The following LYAR variants were observed in gnomAD, a reference collection of about 807,000 sequenced individuals.
LYAR encodes the protein Ly1 antibody reactive, also known as cell growth-regulating nucleolar protein.
A neutral mutation model predicts 45.2 loss-of-function variants in LYAR; 37 were observed. That is an observed-to-expected ratio of 0.82 (90% CI 0.63 to 1.08). LYAR has a LOEUF of 1.08. LYAR is among the 50% of genes least tolerant of loss of function. The probability of loss-of-function intolerance (pLI) is 0.00; values close to 1 mark genes in which losing one functional copy is unlikely to be tolerated. For synonymous variants in LYAR, 176 were observed against 155.1 expected (o/e 1.14, Z -1.00); for missense variants, 493 against 451.0 (o/e 1.09, Z -0.84).
chr4:4,271,732 C>T (rs1320400018), intron 8 of LYAR, among the ~76,000 whole-genome samples: 2 of 152,222 alleles, frequency 1.3e-5, no homozygotes, highest in Non-Finnish European at 2.9e-5. Context: ...CTGTATGACA[C>T]AGCATTGAAC....
At position 4,267,912 on chromosome 4, in the gene LYAR, C is replaced by A; in HGVS notation, c.1117G>T (p.Asp373Tyr). The A allele has an allele frequency of 1.2e-6, 2 of 1,611,488 alleles. No homozygotes were observed. Among genetic ancestry groups the A allele is most frequent in the South Asian group, 2.2e-5 (2 of 90,426 alleles). Residue 373 changes from aspartate to tyrosine, a missense_variant, in exon 10 of 10, where the codon GAC becomes TAC. Asp to Tyr is a radical substitution (Grantham distance 160). Coordinates refer to ENST00000343470, the MANE Select transcript of LYAR (RefSeq NM_017816.3). ...SKNPTFKLLK[D>Y]KVKLVK is the part of the protein sequence containing the mutation. Reference sequence around the variant, plus strand: ...GTTCATTTCACAAGCTTGACTTTGTCCTTTAATAACTTAAAGGTAGGGTTC... The same window carrying A: ...GTTCATTTCACAAGCTTGACTTTGTACTTTAATAACTTAAAGGTAGGGTTC...
At chr4:4,272,918 A>C (rs1471401823) in intron 8 of LYAR, among the ~76,000 whole-genome samples, 1 of 152,160 alleles carries the variant, frequency 6.6e-6, no homozygotes, top group Non-Finnish European at 1.5e-5. Flanking sequence ...ACCTCCCGAC[A>C]GGTATGAGTG....
chr4:4,274,098 C>G (rs1053234426), intron 7 of LYAR, among the ~76,000 whole-genome samples: 4 of 152,072 alleles, frequency 2.6e-5, no homozygotes, highest in African/African-American at 9.7e-5. Flanking sequence ...TTAGCTGGGT[C>G]TGGTGACACA....
At chr4:4,269,433 G>T (rs112675020) in intron 8 of LYAR, among the ~76,000 whole-genome samples, 1 of 152,076 alleles carries the variant, frequency 6.6e-6, no homozygotes, top group East Asian at 1.9e-4. Context: ...CTCTACCCTC[G>T]CAAGGCTGTA....
intron 9 of LYAR, 111 bp from the exon 10 acceptor site, chr4:4,268,134 A>C (rs1718787857): frequency 1.9e-6 from 2 of 1,026,090 alleles, no homozygotes; most frequent in East Asian, 5.9e-5. Flanking sequence ...GAAACCCAGG[A>C]GCAAGCGACA....
At chr4:4,274,890 A>G in intron 6 of LYAR, 121 bp from the exon 7 acceptor site, 1 of 920,750 alleles carries the variant, frequency 1.1e-6, no homozygotes, top group South Asian at 1.8e-5. Context: ...TTAATCCCTT[A>G]TCGTTTTATA....
rs549818036 is a variant in LYAR at position 4,276,173 on chromosome 4, G to A, written c.430-1404C>T. 7.4e-4 allele frequency among the ~76,000 whole-genome samples: 113 copies of A among 152,212 alleles called. 1 individual carries two copies. Among genetic ancestry groups the A allele is most frequent in the African/African-American group, 2.6e-3 (106 of 41,530 alleles). On this transcript the variant is annotated intron_variant, in intron 6 of 9. Transcript: ENST00000343470. ...CCTCTGGAGGGAAAGAGAGTGGCCA[G>A]TGGCTGCTTCCAGGTGTGAGAAACC...
intron 7 of LYAR, 47 bp downstream of exon 7, chr4:4,274,320 C>G: frequency 6.4e-7 from 1 of 1,571,608 alleles, no homozygotes; most frequent in Non-Finnish European, 8.6e-7. Flanking sequence ...AAATTCACAG[C>G]TTTCCCGGTT....
chr4:4,282,900 C>T (rs1485710240), intron 3 of LYAR, among the ~76,000 whole-genome samples: 4 of 152,144 alleles, frequency 2.6e-5, no homozygotes, highest in African/African-American at 9.7e-5. Context: ...CCACTGTGAG[C>T]TCATAAATTC....
intron 4 of LYAR, 70 bp downstream of exon 4, chr4:4,281,713 A>T: frequency 9.0e-7 from 1 of 1,105,656 alleles, no homozygotes; most frequent in Non-Finnish European, 1.4e-6. Context: ...ATTTACTCTT[A>T]GTCTCTTGGG....
intron 6 of LYAR, among the ~76,000 whole-genome samples, chr4:4,277,884 G>C (rs1719249746): frequency 6.6e-6 from 1 of 152,190 alleles, no homozygotes; most frequent in Non-Finnish European, 1.5e-5. Flanking sequence ...AGGACCCTCT[G>C]CTCTGCACTA....
intron 6 of LYAR, among the ~76,000 whole-genome samples, chr4:4,276,026 A>G (rs905656744): frequency 6.6e-6 from 1 of 152,054 alleles, no homozygotes; most frequent in African/African-American, 2.4e-5. Flanking sequence ...CAGCACATAG[A>G]GCCTACTTTA....
chr4:4,285,365 G>A (rs926535382), intron 2 of LYAR, among the ~76,000 whole-genome samples: 2 of 152,126 alleles, frequency 1.3e-5, no homozygotes, highest in Non-Finnish European at 2.9e-5. Flanking sequence ...TCAAGCTCCT[G>A]GGAGCTGGAA....
At chr4:4,280,401 G>A (rs772289209) in intron 4 of LYAR, among the ~76,000 whole-genome samples, 4 of 152,114 alleles carry the variant, frequency 2.6e-5, no homozygotes, top group African/African-American at 4.8e-5. Context: ...GTATATATAC[G>A]TTTTTACAGA....
intron 8 of LYAR, among the ~76,000 whole-genome samples, chr4:4,270,080 G>A (rs1718871797): frequency 6.6e-6 from 1 of 151,970 alleles, no homozygotes; most frequent in South Asian, 2.1e-4. Flanking sequence ...GCTGGGTGTG[G>A]TGGTGTGTAC....
intron 5 of LYAR, 31 bp downstream of exon 5, chr4:4,279,611 G>GC: frequency 6.3e-7 from 1 of 1,580,160 alleles, no homozygotes; most frequent in Non-Finnish European, 8.7e-7. Flanking sequence ...GGGCCACACG[G>GC]CCCCCTCCAT....
chr4:4,278,923 C>T (rs912195231), intron 6 of LYAR, among the ~76,000 whole-genome samples: 1 of 152,156 alleles, frequency 6.6e-6, no homozygotes, highest in African/African-American at 2.4e-5. Context: ...GGGCTGGCAC[C>T]AGCATCAAAC....
Position 4,274,519 on chromosome 4 carries a change from T to C in LYAR, c.680A>G (p.Gln227Arg), listed in dbSNP as rs1485345351. 1.9e-6 allele frequency: 3 copies of C among 1,614,150 alleles called. No homozygotes were observed. The African/African-American group carries it at 4.0e-5, about 22-fold the overall frequency. The change falls in exon 7 of 10, where the codon CAG (glutamine) becomes CGG (arginine). Residue 227 changes from glutamine to arginine, a missense_variant. Gln to Arg is a conservative substitution (Grantham distance 43). Coordinates refer to ENST00000343470, the MANE Select transcript of LYAR (RefSeq NM_017816.3). ...CCCACCAGCCTCAAGGTCAGCCTCC[T>C]GTCCCTTTTTGCGCTTCTTAGGCTT... is the stretch of plus-strand genomic sequence containing the variant. The part of the protein sequence containing the change: ...NQKPKKRKKG[Q>R]EADLEAGGEE...
chr4:4,268,062 G>C, intron 9 of LYAR, 39 bp from the exon 10 acceptor site: 1 of 1,500,026 alleles, frequency 6.7e-7, no homozygotes, highest in Non-Finnish European at 8.9e-7. Flanking sequence ...TATTTGACCT[G>C]GAAAATTATC....
Sources: allele counts gnomAD v4.1 joint callset (sites outside exome capture counted in the v4.1 genomes callset), GRCh38; gene constraint gnomAD v4.1.1; transcripts MANE v1.5; gene names NCBI Gene and HGNC (gene_info 2026-07-23, HGNC 2026-07-21).